DUT: variants seen among roughly 807,000 people sequenced by gnomAD.
The protein encoded by DUT is deoxyuridine triphosphatase.
DUT carries 21 observed loss-of-function variants against 28.8 expected under a neutral mutation model. The ratio of observed to expected loss-of-function variants is 0.73; its 90% CI spans 0.52 to 1.05. The LOEUF (loss-of-function observed/expected upper bound fraction) is 1.05. Among genes scored for constraint, DUT ranks in the 50% least tolerant of loss-of-function variants. The pLI, the probability that DUT is intolerant of heterozygous loss-of-function variation, is 0.00. For missense variants in DUT, 344 were observed against 351.8 expected (o/e 0.98, Z 0.18); for synonymous variants, 147 against 143.7 (o/e 1.02, Z -0.17).
chr15:48,331,622 CG>C lies in DUT; in HGVS notation c.109del (p.Val37TyrfsTer27). 1 of 1,550,582 alleles carries C rather than the reference CG, an allele frequency of 6.4e-7. No individual in the cohort carries two copies. Among genetic ancestry groups the C allele is most frequent in the Non-Finnish European group, 8.7e-7 (1 of 1,148,444 alleles). ...ARGARQRAEAAVLSGPGPPLG... is the reference protein window; with the variant it reads ...ARGARQRAEAXVLSGPGPPLG... ...GGCGCACGGCAGAGGGCCGAAGCCG[CG>C]GTACTCTCCGGGCCAGGCCCGCCCC... is the stretch of plus-strand genomic sequence containing the variant. On this transcript the variant is annotated frameshift_variant, in exon 1 of 7. Coordinates refer to ENST00000331200, the MANE Select transcript of DUT (RefSeq NM_001025248.2). LOFTEE classifies it high-confidence loss of function.
chr15:48,341,501 T>G lies in DUT; in HGVS notation c.632-14T>G. On this transcript the variant is annotated splice_polypyrimidine_tract_variant and intron_variant, in intron 5 of 6. Transcript: ENST00000331200. ...TGTCAGTAACGTCAGTAATAAACTA[T>G]TCTTTCTTTGAAGTCAAAAAAGGTG... is the stretch of plus-strand genomic sequence containing the variant. 1 of 1,612,268 alleles carries G rather than the reference T, an allele frequency of 6.2e-7. No individual in the cohort carries two copies. The highest frequency in any genetic ancestry group is 8.5e-7 in the Non-Finnish European group (1 of 1,178,858).
intron 2 of DUT, 90 bp downstream of exon 2, chr15:48,332,496 A>C: frequency 8.8e-7 from 1 of 1,135,216 alleles, no homozygotes. Context: ...TCACAGGAAC[A>C]CACTAGCTAT....
chr15:48,331,771 G>C lies in DUT; in HGVS notation c.256G>C (p.Gly86Arg), dbSNP rs769562630. ...CTGGAAGGGCGAGCTTCCTAAGGCG[G>C]GGGGAAGCCCGGCGCCGGGGCCGGG... ...AGWKGELPKA[G>R]GSPAPGPETP... The change falls in exon 1 of 7, where the codon GGG becomes CGG. Residue 86 changes from glycine to arginine, a missense_variant. Gly to Arg is a moderately radical substitution (Grantham distance 125). Coordinates refer to ENST00000331200, the MANE Select transcript of DUT (RefSeq NM_001025248.2). The C allele has an allele frequency of 2.2e-5, 31 of 1,390,514 alleles. No homozygotes were observed. Among genetic ancestry groups the C allele is most frequent in the East Asian group, 3.0e-5 (1 of 33,664 alleles). The allele number at this position is 1,390,514 out of a possible 1,614,324, so 86.1% of individuals were successfully genotyped here.
intron 4 of DUT, among the ~76,000 whole-genome samples, chr15:48,339,142 A>G (rs1304711361): frequency 6.6e-6 from 1 of 151,994 alleles, no homozygotes; most frequent in Non-Finnish European, 1.5e-5. Context: ...GAGAGAGAGA[A>G]CCCATATTTC....
intron 1 of DUT, 157 bp from the exon 2 acceptor site, chr15:48,332,111 C>G: frequency 7.2e-7 from 1 of 1,385,396 alleles, no homozygotes. Context: ...TCAGCCAGAA[C>G]TGTGGACTCG....
At position 48,340,489 on chromosome 15, in the gene DUT, T is replaced by C. The variant is rs574030618; in HGVS notation, c.557-800T>C. 2.0e-5 allele frequency among the ~76,000 whole-genome samples: 3 copies of C among 152,332 alleles called. No individual in the cohort carries two copies. The East Asian group carries it at 5.8e-4, about 29-fold the overall frequency. On this transcript the variant is annotated intron_variant, in intron 4 of 6. Coordinates refer to ENST00000331200, the MANE Select transcript of DUT (RefSeq NM_001025248.2). ...ATGAAAAGGCCCGGTGCACCTGTAT[T>C]ATCTGTGCTTGTGCTTATGGAAATA...
At chr15:48,331,112 C>A, upstream of DUT, 4 of 1,458,756 alleles carry the variant, frequency 2.7e-6, no homozygotes, top group Admixed American at 2.8e-5. Context: ...CTGTCACCGG[C>A]GCCGAGATGC....
chr15:48,339,816 C>T (rs2042513224), intron 4 of DUT, among the ~76,000 whole-genome samples: 1 of 152,202 alleles, frequency 6.6e-6, no homozygotes, highest in Non-Finnish European at 1.5e-5. Flanking sequence ...TTCAGATTCA[C>T]TTGTCCCTAG....
intron 3 of DUT, 56 bp from the exon 4 acceptor site, chr15:48,335,988 ATC>A: frequency 7.4e-7 from 1 of 1,347,920 alleles, no homozygotes; most frequent in East Asian, 2.3e-5. Flanking sequence ...TGCATCAGTT[ATC>A]TCTGATATAG....
At chr15:48,331,357 T>A, upstream of DUT, 2 of 1,462,764 alleles carry the variant, frequency 1.4e-6, no homozygotes, top group Non-Finnish European at 1.8e-6. Context: ...GCCTGCGCCA[T>A]CCCTGGGCTG....
At chr15:48,335,516 T>C (rs962641532) in intron 3 of DUT, among the ~76,000 whole-genome samples, 12 of 152,138 alleles carry the variant, frequency 7.9e-5, no homozygotes, top group African/African-American at 2.4e-4. Flanking sequence ...AATAGTGGGG[T>C]CCCAAGTTGT....
At chr15:48,335,229 A>G (rs1343284102) in intron 3 of DUT, among the ~76,000 whole-genome samples, 1 of 152,186 alleles carries the variant, frequency 6.6e-6, no homozygotes, top group Non-Finnish European at 1.5e-5. Context: ...GTTAGTACAG[A>G]AAGAGGCAGC....
In DUT at chr15:48,342,252, A is replaced by T. The variant is rs1260609847; in HGVS notation, c.*174A>T. ...TGATCAAGGAAAAGATCATTAAAAA[A>T]AAACACAAAGAAGTTTTTCTTTGTG... On this transcript the variant is annotated 3_prime_UTR_variant, in exon 7 of 7. Coordinates refer to ENST00000331200, the MANE Select transcript of DUT (RefSeq NM_001025248.2). The T allele has an allele frequency of 5.1e-6, 2 of 390,066 alleles. No individual in the cohort carries two copies. Among genetic ancestry groups the T allele is most frequent in the African/African-American group, 4.2e-5 (2 of 47,794 alleles). The allele number at this position is 390,066 out of a possible 1,614,324, so 24.2% of individuals were successfully genotyped here.
chr15:48,341,112 T>C, intron 4 of DUT, 177 bp from the exon 5 acceptor site: 1 of 471,906 alleles, frequency 2.1e-6, no homozygotes, highest in Non-Finnish European at 3.7e-6. Context: ...TTTTTATTTG[T>C]ATTTTAGTAA....
intron 1 of DUT, 139 bp from the exon 2 acceptor site, chr15:48,332,129 G>A: frequency 7.1e-7 from 1 of 1,404,284 alleles, no homozygotes; most frequent in Non-Finnish European, 9.2e-7. Context: ...TCGTCCCGGG[G>A]AGGGGCGGTG....
At chr15:48,333,518 G>T (rs1196290902) in intron 2 of DUT, among the ~76,000 whole-genome samples, 2 of 152,116 alleles carry the variant, frequency 1.3e-5, no homozygotes, top group African/African-American at 4.8e-5. Context: ...AATAAATTAG[G>T]GCTTAACTGT....
Position 48,335,457 on chromosome 15 carries a change from T to G in DUT, c.512-589T>G, listed in dbSNP as rs28381114. On this transcript the variant is annotated intron_variant, in intron 3 of 6. Coordinates refer to ENST00000331200, the MANE Select transcript of DUT (RefSeq NM_001025248.2). ...ACTGATATTAGCCCATTTATCTTAC[T>G]CTGGTTCATGTGTTTCCTACAGGCA... Among the ~76,000 whole-genome samples, 702 of 152,326 alleles carry G rather than the reference T, an allele frequency of 4.6e-3. 4 individuals are homozygous for G. Among genetic ancestry groups the G allele is most frequent in the African/African-American group, 0.017 (687 of 41,574 alleles).
At position 48,331,563 on chromosome 15, in the gene DUT, G is replaced by T. The variant is rs1466396308; in HGVS notation, c.48G>T (p.Thr16=). The change falls in exon 1 of 7, where the codon ACG becomes ACT. Residue 16 remains threonine, a synonymous_variant. Coordinates refer to ENST00000331200, the MANE Select transcript of DUT (RefSeq NM_001025248.2). The stretch of plus-strand genomic sequence containing the variant: ...CCGCGCTCTGCTACCATTTCCTTAC[G>T]TCTCTGCTTCGCTCAGCGATGCAAA... ...PRPALCYHFL[T]SLLRSAMQNA... 2 of 1,609,230 alleles carry T rather than the reference G, an allele frequency of 1.2e-6. No individual in the cohort carries two copies. The highest frequency in any genetic ancestry group is 1.7e-4 in the Middle Eastern group (1 of 5,968).
intron 4 of DUT, among the ~76,000 whole-genome samples, chr15:48,339,826 G>T (rs755704257): frequency 1.3e-5 from 2 of 152,124 alleles, no homozygotes; most frequent in Non-Finnish European, 2.9e-5. Context: ...CTTGTCCCTA[G>T]TAATTCATTC....
Sources: allele counts gnomAD v4.1 joint callset (sites outside exome capture counted in the v4.1 genomes callset), GRCh38; gene constraint gnomAD v4.1.1; transcripts MANE v1.5; gene names NCBI Gene and HGNC (gene_info 2026-07-23, HGNC 2026-07-21).